DNAAF9: variants seen among roughly 807,000 people sequenced by gnomAD.
DNAAF9 encodes the protein dynein axonemal assembly factor 9.
DNAAF9 carries 90 observed loss-of-function variants against 167.0 expected under a neutral mutation model. That is an observed-to-expected ratio of 0.54 (90% CI 0.45 to 0.64). The LOEUF (loss-of-function observed/expected upper bound fraction) is 0.64. Ranked by LOEUF, DNAAF9 falls within the 30% of genes least tolerant of loss-of-function variation. The pLI is 0.00. For synonymous variants in DNAAF9, 491 were observed against 508.8 expected, an observed-to-expected ratio of 0.96 and a Z score of 0.47; for missense variants, 1,315 against 1,442.2, an observed-to-expected ratio of 0.91 and a Z score of 1.43.
In DNAAF9 at chr20:3,326,239, C is replaced by CA; in HGVS notation, c.1145dup (p.Leu382PhefsTer9). The CA allele has an allele frequency of 6.2e-7, 1 of 1,613,632 alleles. No homozygotes were observed. Among genetic ancestry groups the CA allele is most frequent in the African/African-American group, 1.3e-5 (1 of 75,016 alleles). ...TTTTAGCATAACATGCAATGCCAGC[C>CA]AAAACAGCCTCAATAACAGCAGCAT... On this transcript the variant is annotated frameshift_variant, in exon 13 of 37. Coordinates refer to ENST00000252032, the MANE Select transcript of DNAAF9 (RefSeq NM_001009984.3). LOFTEE classifies it high-confidence loss of function.
chr20:3,252,766 G>A lies in DNAAF9; in HGVS notation c.3422-82C>T, dbSNP rs560309545. 3.0e-5 allele frequency: 25 copies of A among 825,028 alleles called. 1 individual carries two copies. The South Asian group carries it at 3.4e-4, about 11-fold the overall frequency. 51.1% of individuals were successfully genotyped at this position (825,028 alleles called of 1,614,324 possible). Reference sequence around the variant, plus strand: ...AGCCCAGAGCGGCCTGTAGGCAGGTGAGGGGGGTTTGCTGAGGAAGTGAGT... The same window carrying A: ...AGCCCAGAGCGGCCTGTAGGCAGGTAAGGGGGGTTTGCTGAGGAAGTGAGT... On this transcript the variant is annotated intron_variant, in intron 36 of 36. Transcript: ENST00000252032.
intron 1 of DNAAF9, among the ~76,000 whole-genome samples, chr20:3,402,031 A>G (rs963529648): frequency 6.6e-6 from 1 of 152,194 alleles, no homozygotes; most frequent in African/African-American, 2.4e-5. Flanking sequence ...TTGAGAACTT[A>G]CATGTGTGAA....
intron 1 of DNAAF9, among the ~76,000 whole-genome samples, chr20:3,390,096 G>C (rs987056969): frequency 2.6e-5 from 4 of 151,864 alleles, no homozygotes; most frequent in African/African-American, 9.7e-5. Flanking sequence ...ACTTGAATAT[G>C]GACTATGTAT....
At chr20:3,294,306 A>T (rs1279058961) in intron 24 of DNAAF9, 50 bp from the exon 25 acceptor site, 1 of 1,235,854 alleles carries the variant, frequency 8.1e-7, no homozygotes, top group South Asian at 1.2e-5. Context: ...GCCTGTCCTG[A>T]AGGTGCCTAC....
At chr20:3,325,689 C>T (rs2069697854) in intron 13 of DNAAF9, among the ~76,000 whole-genome samples, 1 of 152,192 alleles carries the variant, frequency 6.6e-6, no homozygotes, top group African/African-American at 2.4e-5. Flanking sequence ...AGGAATCCAA[C>T]TCAGCAGGGC....
chr20:3,280,394 C>T (rs866284881), intron 28 of DNAAF9, among the ~76,000 whole-genome samples: 3 of 151,938 alleles, frequency 2.0e-5, no homozygotes, highest in African/African-American at 4.8e-5. Flanking sequence ...GAAACCCCGT[C>T]TCTACTAAAA....
chr20:3,290,098 T>TC lies in DNAAF9; in HGVS notation c.2327+30dup, dbSNP rs764932997. 5 of 1,433,720 alleles carry TC rather than the reference T, an allele frequency of 3.5e-6. No homozygotes were observed. In the South Asian group the frequency reaches 5.7e-5, roughly 16 times the overall value. The allele number at this position is 1,433,720 out of a possible 1,614,324, so 88.8% of individuals were successfully genotyped here. A position where few individuals can be genotyped will look rare whatever the true frequency, so the allele number is the denominator to read the frequency against. ...AGGCAGGCCCAAGTTAGAATCCCTT[T>TC]CCCCAAAGCAAAGGCATCAGCCATA... is the stretch of plus-strand genomic sequence containing the variant. On this transcript the variant is annotated intron_variant, in intron 26 of 36. Transcript: ENST00000252032.
chr20:3,369,562 G>T (rs1189276329), intron 6 of DNAAF9, among the ~76,000 whole-genome samples: 2 of 151,898 alleles, frequency 1.3e-5, no homozygotes, highest in Non-Finnish European at 2.9e-5. Flanking sequence ...TTTTAGTAGA[G>T]ACGGGGGTCT....
intron 25 of DNAAF9, among the ~76,000 whole-genome samples, chr20:3,292,509 G>A (rs1399641621): frequency 6.6e-6 from 1 of 151,942 alleles, no homozygotes; most frequent in Non-Finnish European, 1.5e-5. Context: ...GCTCATGTCT[G>A]TAAACCCAGC....
At chr20:3,258,127 A>G (rs1368471849) in intron 33 of DNAAF9, among the ~76,000 whole-genome samples, 1 of 149,318 alleles carries the variant, frequency 6.7e-6, no homozygotes, top group Non-Finnish European at 1.5e-5. Flanking sequence ...CGGCCTCCCA[A>G]AGTGCTGGGA....
intron 21 of DNAAF9, among the ~76,000 whole-genome samples, chr20:3,301,323 G>A (rs2069185666): frequency 6.6e-6 from 1 of 152,092 alleles, no homozygotes; most frequent in Non-Finnish European, 1.5e-5. Context: ...GAGTACCTGG[G>A]ACTACAGGTG....
intron 1 of DNAAF9, chr20:3,384,499 C>T (rs536822267): frequency 6.6e-6 from 1 of 150,646 alleles, no homozygotes; most frequent in African/African-American, 2.4e-5. Flanking sequence ...AACCTACAAA[C>T]CAAAATCCAT....
intron 16 of DNAAF9, among the ~76,000 whole-genome samples, chr20:3,320,442 G>A (rs940318423): frequency 4.6e-5 from 7 of 152,068 alleles, no homozygotes; most frequent in African/African-American, 1.4e-4. Context: ...CATACTTGAC[G>A]CAAGACTATG....
At chr20:3,368,471 T>C (rs1600869753) in intron 6 of DNAAF9, among the ~76,000 whole-genome samples, 1 of 151,774 alleles carries the variant, frequency 6.6e-6, no homozygotes, top group East Asian at 1.9e-4. Flanking sequence ...TGGAAGCCTT[T>C]TTTTTTCTTT....
chr20:3,349,798 C>T (rs747037705), intron 7 of DNAAF9, among the ~76,000 whole-genome samples: 4 of 152,138 alleles, frequency 2.6e-5, no homozygotes, highest in Non-Finnish European at 5.9e-5. Flanking sequence ...GCTTAAGATA[C>T]TCCTCAAGTA....
At chr20:3,356,792 G>A (rs2083292564) in intron 7 of DNAAF9, among the ~76,000 whole-genome samples, 2 of 151,980 alleles carry the variant, frequency 1.3e-5, no homozygotes, top group Admixed American at 6.6e-5. Context: ...CAAGAACACC[G>A]AAGGCCTCTG....
chr20:3,323,961 AG>A (rs1472660911), intron 14 of DNAAF9, among the ~76,000 whole-genome samples: 1 of 152,214 alleles, frequency 6.6e-6, no homozygotes, highest in African/African-American at 2.4e-5. Context: ...TCTCAAATTC[AG>A]GTTGGCCAGA....
intron 1 of DNAAF9, among the ~76,000 whole-genome samples, chr20:3,398,172 T>C (rs1474166937): frequency 1.3e-5 from 2 of 152,156 alleles, no homozygotes; most frequent in Non-Finnish European, 2.9e-5. Flanking sequence ...GGGGCTACAG[T>C]AACCATCTTC....
chr20:3,294,297 C>A, intron 24 of DNAAF9, 41 bp from the exon 25 acceptor site: 1 of 1,370,652 alleles, frequency 7.3e-7, no homozygotes, highest in Non-Finnish European at 1.0e-6. Flanking sequence ...ACCATCCTAG[C>A]CTGTCCTGAA....
Sources: gnomAD v4.1 joint callset for allele counts (sites outside exome capture counted in the v4.1 genomes callset) on GRCh38, gnomAD v4.1.1 for gene constraint, MANE v1.5 for transcripts, NCBI Gene and HGNC (gene_info 2026-07-23, HGNC 2026-07-21) for gene names.